Variants in KIAA1217 observed in about 807,000 individuals in gnomAD.
KIAA1217 encodes sickle tail protein homolog.
KIAA1217 carries 88 observed loss-of-function variants against 163.9 expected under a neutral mutation model. The ratio of observed to expected loss-of-function variants is 0.54; its 90% CI spans 0.45 to 0.64. The LOEUF (loss-of-function observed/expected upper bound fraction) is 0.64. Ranked by LOEUF, KIAA1217 falls within the 30% of genes least tolerant of loss-of-function variation. The pLI, the probability that KIAA1217 is intolerant of heterozygous loss-of-function variation, is 0.00. For missense variants in KIAA1217, 2,372 were observed against 2,475.0 expected (o/e 0.96, Z 0.88); for synonymous variants, 903 against 923.1 (o/e 0.98, Z 0.39).
intron 1 of KIAA1217, among the ~76,000 whole-genome samples, chr10:23,757,603 T>C (rs1346476649): frequency 6.6e-6 from 1 of 152,112 alleles, no homozygotes; most frequent in Non-Finnish European, 1.5e-5. Flanking sequence ...CTGCAACCTC[T>C]GCCTCCCGGG....
intron 2 of KIAA1217, among the ~76,000 whole-genome samples, chr10:24,186,187 CCTGA>C (rs144934828): frequency 0.014 from 2,090 of 152,078 alleles, 51 homozygotes; most frequent in African/African-American, 0.048. Flanking sequence ...GCCCTTTTGC[CCTGA>C]CTTTTTCAAT....
chr10:24,235,630 G>T (rs1393213529), intron 2 of KIAA1217, among the ~76,000 whole-genome samples: 2 of 152,174 alleles, frequency 1.3e-5, no homozygotes, highest in African/African-American at 4.8e-5. Context: ...GGTTTTGAGG[G>T]CTAAGCCCTG....
chr10:24,291,052 G>T (rs1422977122), intron 2 of KIAA1217, among the ~76,000 whole-genome samples: 1 of 152,150 alleles, frequency 6.6e-6, no homozygotes, highest in Non-Finnish European at 1.5e-5. Context: ...GTTTTGGAAT[G>T]CTTCCTCCTT....
intron 2 of KIAA1217, among the ~76,000 whole-genome samples, chr10:24,031,438 C>A (rs527883884): frequency 2.6e-5 from 4 of 152,068 alleles, no homozygotes; most frequent in Non-Finnish European, 5.9e-5. Flanking sequence ...GTAGCCGGAA[C>A]CGCAGCATAT....
intron 3 of KIAA1217, among the ~76,000 whole-genome samples, chr10:24,384,325 T>C: frequency 6.6e-6 from 1 of 152,114 alleles, no homozygotes; most frequent in Non-Finnish European, 1.5e-5. Flanking sequence ...TTTTTTAGGT[T>C]TGTAACAAGA....
intron 3 of KIAA1217, among the ~76,000 whole-genome samples, chr10:24,385,958 G>T (rs766027007): frequency 7.9e-5 from 12 of 152,140 alleles, no homozygotes; most frequent in Admixed American, 2.6e-4. Flanking sequence ...GGCGGGGGTT[G>T]GTGTCTGGCC....
intron 2 of KIAA1217, among the ~76,000 whole-genome samples, chr10:24,306,747 T>G (rs1186116551): frequency 6.6e-6 from 1 of 152,234 alleles, no homozygotes; most frequent in East Asian, 1.9e-4. Flanking sequence ...AAGTGTCCCC[T>G]TTCACTGCTT....
At chr10:24,365,403 C>T (rs58913671) in intron 2 of KIAA1217, among the ~76,000 whole-genome samples, 43 of 150,614 alleles carry the variant, frequency 2.9e-4, no homozygotes, top group African/African-American at 9.5e-4. Flanking sequence ...TTTTTTTTGT[C>T]CCCCTTTTCC....
At chr10:24,069,430 A>G (rs1465339104) in intron 2 of KIAA1217, among the ~76,000 whole-genome samples, 2 of 152,148 alleles carry the variant, frequency 1.3e-5, no homozygotes, top group African/African-American at 2.4e-5. Context: ...GGTGTCTGGC[A>G]TAAGGCAGGT....
chr10:24,131,649 G>A (rs377656558), intron 2 of KIAA1217, among the ~76,000 whole-genome samples: 1 of 152,044 alleles, frequency 6.6e-6, no homozygotes, highest in African/African-American at 2.4e-5. Flanking sequence ...CTACAGGCCC[G>A]AGAAAATGAT....
chr10:23,789,972 T>TAC (rs1285931991), intron 1 of KIAA1217, among the ~76,000 whole-genome samples: 1 of 92,682 alleles, frequency 1.1e-5, no homozygotes, highest in African/African-American at 4.7e-5. Flanking sequence ...CATATACATA[T>TAC]ACATATATAC....
rs143135737 is a variant in KIAA1217 at position 24,547,345 on chromosome 10, G to A, written c.*1021G>A. On this transcript the variant is annotated 3_prime_UTR_variant, in exon 21 of 21. Transcript: ENST00000376454. ...TATATCGGGACCGGCAGAAATGGAA[G>A]TATCCATACATTTTTAAAAAGCAAC... 6.5e-6 allele frequency: 1 copy of A among 152,684 alleles called. No homozygotes were observed. The highest frequency in any genetic ancestry group is 2.4e-5 in the African/African-American group (1 of 41,544). The allele number at this position is 152,684 out of a possible 1,614,324, so 9.5% of individuals were successfully genotyped here. A position where few individuals can be genotyped will look rare whatever the true frequency, so the allele number is the denominator to read the frequency against.
At chr10:24,427,424 G>T (rs748571134) in intron 3 of KIAA1217, among the ~76,000 whole-genome samples, 1 of 152,188 alleles carries the variant, frequency 6.6e-6, no homozygotes, top group Non-Finnish European at 1.5e-5. Context: ...TTCAGGAGAA[G>T]TATGCTTCAA....
At chr10:24,389,098 A>G (rs6482391) in intron 3 of KIAA1217, among the ~76,000 whole-genome samples, 77,749 of 151,316 alleles carry the variant, frequency 0.51, 22,485 homozygotes, top group African/African-American at 0.79. Context: ...ATAAACACAC[A>G]CACGTACGTT....
chr10:23,993,207 T>G (rs1488031122), intron 1 of KIAA1217, among the ~76,000 whole-genome samples: 2 of 151,802 alleles, frequency 1.3e-5, no homozygotes, highest in African/African-American at 4.8e-5. Flanking sequence ...AATTTTTGTA[T>G]TTTTAGTAGA....
At chr10:24,293,322 C>G (rs111542371) in intron 2 of KIAA1217, among the ~76,000 whole-genome samples, 125 of 152,330 alleles carry the variant, frequency 8.2e-4, no homozygotes, top group African/African-American at 2.9e-3. Context: ...CTGCCAGCGT[C>G]GGCCTCCCAA....
In KIAA1217 at chr10:23,836,633, G is replaced by A. The variant is rs927125742; in HGVS notation, c.-321+141399G>A. 6.6e-5 allele frequency among the ~76,000 whole-genome samples: 10 copies of A among 151,164 alleles called. No individual in the cohort carries two copies. In the South Asian group the frequency reaches 1.0e-3, roughly 16 times the overall value. On this transcript the variant is annotated intron_variant, in intron 1 of 18. Transcript: ENST00000376462. ...TTAGTGTATCCATCATTAGAATAACGCACATTTTAGGCCAGGCTCAGTTGC... is the reference window on the plus strand; with the variant it reads ...TTAGTGTATCCATCATTAGAATAACACACATTTTAGGCCAGGCTCAGTTGC...
intron 1 of KIAA1217, among the ~76,000 whole-genome samples, chr10:23,704,863 AT>A (rs1047027035): frequency 1.8e-4 from 28 of 152,144 alleles, no homozygotes; most frequent in African/African-American, 5.8e-4. Flanking sequence ...TATGTTTAGC[AT>A]TTTAAAGAAC....
At chr10:23,876,112 G>T (rs951010024) in intron 1 of KIAA1217, among the ~76,000 whole-genome samples, 23 of 149,602 alleles carry the variant, frequency 1.5e-4, no homozygotes, top group Admixed American at 1.3e-3. Context: ...AAAAAAAAAA[G>T]AAAATGAGAC....
Sources: gnomAD v4.1 joint callset for allele counts (sites outside exome capture counted in the v4.1 genomes callset) on GRCh38, gnomAD v4.1.1 for gene constraint, MANE v1.5 for transcripts, NCBI Gene and HGNC (gene_info 2026-07-23, HGNC 2026-07-21) for gene names.